NUP153: variants seen among roughly 807,000 people sequenced by gnomAD.
NUP153 encodes nuclear pore complex protein Nup153.
A neutral mutation model predicts 134.6 loss-of-function variants in NUP153; 27 were observed. That is an observed-to-expected ratio of 0.20 (90% CI 0.15 to 0.28). The LOEUF is 0.28. NUP153 is among the 10% of genes least tolerant of loss of function. The pLI is 1.00. For synonymous variants in NUP153, 640 were observed against 623.5 expected, an observed-to-expected ratio of 1.03 and a Z score of -0.40; for missense variants, 1,821 against 1,731.3, an observed-to-expected ratio of 1.05 and a Z score of -0.92.
rs180992013 is a variant in NUP153 at position 17,677,428 on chromosome 6, G to A, written c.335-1658C>T. ...CCATGCACGGGGGTAGGGGGTGGGG[G>A]AGAGTAGGTGTTAGAAACTTTAACC... On this transcript the variant is annotated intron_variant, in intron 2 of 21. Transcript: ENST00000262077. Among the ~76,000 whole-genome samples the A allele has an allele frequency of 9.2e-5, 14 of 152,182 alleles. No homozygotes were observed. The East Asian group carries it at 2.7e-3, about 29-fold the overall frequency.
intron 20 of NUP153, among the ~76,000 whole-genome samples, chr6:17,618,950 G>T (rs936098232): frequency 6.6e-6 from 1 of 152,172 alleles, no homozygotes; most frequent in African/African-American, 2.4e-5. Flanking sequence ...GGAAAGGAAG[G>T]ATTAGGGGAC....
Position 17,616,713 on chromosome 6 carries a change from G to T in NUP153, c.4175-18C>A, listed in dbSNP as rs201167154. 3.1e-6 allele frequency: 5 copies of T among 1,600,806 alleles called. No homozygotes were observed. In the Admixed American group the frequency reaches 5.1e-5, roughly 16 times the overall value. Reference sequence around the variant, plus strand: ...AGCCGAACCTGCAATAGTTAAAGCAGAAATACTTCATTAGGGCAAAATGAT... The same window carrying T: ...AGCCGAACCTGCAATAGTTAAAGCATAAATACTTCATTAGGGCAAAATGAT... On this transcript the variant is annotated intron_variant, in intron 20 of 21. Coordinates refer to ENST00000262077, the MANE Select transcript of NUP153 (RefSeq NM_005124.4).
rs750780211 is a variant in NUP153 at position 17,624,770 on chromosome 6, T to G, written c.3965A>C (p.Asn1322Thr). 6.2e-7 allele frequency: 1 copy of G among 1,614,128 alleles called. No individual in the cohort carries two copies. Among genetic ancestry groups the G allele is most frequent in the Admixed American group, 1.7e-5 (1 of 60,008 alleles). ...ACTTTGTCCAAATGTTGGGGTCTGGTTAGCACCAAATGCTGGACTGGCAGA... is the reference window on the plus strand; with the variant it reads ...ACTTTGTCCAAATGTTGGGGTCTGGGTAGCACCAAATGCTGGACTGGCAGA... ...APSASPAFGA[N>T]QTPTFGQSQG... Residue 1322 changes from asparagine to threonine, a missense_variant, in exon 20 of 22, where the codon AAC (asparagine) becomes ACC (threonine). Physicochemically the swap from Asn to Thr is moderately conservative, Grantham distance 65 (BLOSUM62 0). Coordinates refer to ENST00000262077, the MANE Select transcript of NUP153 (RefSeq NM_005124.4).
intron 8 of NUP153, among the ~76,000 whole-genome samples, chr6:17,666,357 A>C (rs903916167): frequency 3.0e-4 from 46 of 152,092 alleles, no homozygotes; most frequent in African/African-American, 1.1e-3. Context: ...TCTACTAAAA[A>C]TGTAAAAATT....
intron 11 of NUP153, among the ~76,000 whole-genome samples, chr6:17,654,541 C>T (rs552862621): frequency 2.0e-5 from 3 of 152,162 alleles, no homozygotes; most frequent in South Asian, 2.1e-4. Flanking sequence ...AGGCTGGTCT[C>T]GAATTCCTGA....
chr6:17,706,609 C>T lies in NUP153; in HGVS notation c.-222G>A. 1.7e-6 allele frequency: 1 copy of T among 572,068 alleles called. No homozygotes were observed. Among genetic ancestry groups the T allele is most frequent in the South Asian group, 2.0e-5 (1 of 49,200 alleles). 35.4% of individuals were successfully genotyped at this position (572,068 alleles called of 1,614,324 possible). On this transcript the variant is annotated 5_prime_UTR_variant, in exon 1 of 22. Transcript: ENST00000262077. This position sits in a 1 kb window ranked among gnomAD's most constrained non-coding sequence, Gnocchi z 5.9. Reference sequence around the variant, plus strand: ...GGAAGGGGGTGGCGGCCGCAGAGGCCGAGGAGGCTCCGGTCCGGCCGCCTC... The same window carrying T: ...GGAAGGGGGTGGCGGCCGCAGAGGCTGAGGAGGCTCCGGTCCGGCCGCCTC...
rs998860821 is a variant in NUP153, at chr6:17,706,640, AC to A, written c.-254del. 6 of 550,176 alleles carry A rather than the reference AC, an allele frequency of 1.1e-5. No homozygotes were observed. Among genetic ancestry groups the A allele is most frequent in the Admixed American group, 6.7e-5 (2 of 30,012 alleles). 34.1% of individuals were successfully genotyped at this position (550,176 alleles called of 1,614,324 possible). On this transcript the variant is annotated 5_prime_UTR_variant, in exon 1 of 22. Coordinates refer to ENST00000262077, the MANE Select transcript of NUP153 (RefSeq NM_005124.4). The surrounding 1 kb of genome is among the most constrained non-coding windows in gnomAD (Gnocchi z 5.9). ...GGCTCCGGTCCGGCCGCCTCTGCGG[AC>A]CCCCGCCTCTGTGTGTGTCACGGTC...
Position 17,701,845 on chromosome 6 carries a change from A to AG in NUP153, c.111+4431_111+4432insC, listed in dbSNP as rs1491158458. On this transcript the variant is annotated intron_variant, in intron 1 of 21. Coordinates refer to ENST00000262077, the MANE Select transcript of NUP153 (RefSeq NM_005124.4). ...AAGACTCTGTCTCGGGGGGGGGGGG[A>AG]AAAAAGCTAAATGCAGGAACTGACT... 2.0e-4 allele frequency among the ~76,000 whole-genome samples: 7 copies of AG among 35,076 alleles called. 3 individuals are homozygous for AG. The highest frequency in any genetic ancestry group is 7.0e-4 in the Admixed American group (2 of 2,838). The allele number at this position is 35,076 out of a possible 152,430, so 23.0% of individuals were successfully genotyped here.
intron 12 of NUP153, among the ~76,000 whole-genome samples, chr6:17,648,779 G>A (rs1224367672): frequency 2.0e-5 from 3 of 149,764 alleles, no homozygotes; most frequent in South Asian, 2.2e-4. Flanking sequence ...CTCTAGCCTC[G>A]GCAATACAGC....
chr6:17,627,660 T>C (rs1041367238), intron 18 of NUP153, among the ~76,000 whole-genome samples: 1 of 152,206 alleles, frequency 6.6e-6, no homozygotes, highest in African/African-American at 2.4e-5. Context: ...GGCACCCGGA[T>C]TGTCTTTATA....
chr6:17,639,084 C>CTT (rs921703974), intron 15 of NUP153, among the ~76,000 whole-genome samples: 1 of 148,116 alleles, frequency 6.8e-6, no homozygotes, highest in African/African-American at 2.5e-5. Flanking sequence ...CTTTTCCTTT[C>CTT]TTTTTTTTTT....
rs1234139960 is a variant in NUP153, at chr6:17,625,447, T to C, written c.3901+361A>G. Among the ~76,000 whole-genome samples, 1 of 152,136 alleles carries C rather than the reference T, an allele frequency of 6.6e-6. No homozygotes were observed. Among genetic ancestry groups the C allele is most frequent in the Non-Finnish European group, 1.5e-5 (1 of 68,026 alleles). On this transcript the variant is annotated intron_variant, in intron 19 of 21. Transcript: ENST00000262077. This position sits in a 1 kb window ranked among gnomAD's most constrained non-coding sequence, Gnocchi z 4.7. ...CAGGAGGCTGAGGCAGGAGAATTGC[T>C]TGAACTCGGGAGAGGCAGGTTGCAG...
In NUP153 at chr6:17,682,938, A is replaced by C. The variant is rs1397073103; in HGVS notation, c.334+5458T>G. On this transcript the variant is annotated intron_variant, in intron 2 of 21. Coordinates refer to ENST00000262077, the MANE Select transcript of NUP153 (RefSeq NM_005124.4). ...CTCAAAAAAGAAGAAAAAAAAAAAA[A>C]AAAACACTTTCTTTGCGCATCCACA... Among the ~76,000 whole-genome samples the C allele has an allele frequency of 6.7e-4, 101 of 151,804 alleles. 1 individual carries two copies. The highest frequency in any genetic ancestry group is 2.3e-3 in the African/African-American group (94 of 41,450).
chr6:17,661,589 C>T, intron 11 of NUP153, 64 bp downstream of exon 11: 1 of 1,535,000 alleles, frequency 6.5e-7, no homozygotes, highest in Non-Finnish European at 8.8e-7. Context: ...CAGGTCTCCC[C>T]TTACCACCAC....
intron 1 of NUP153, among the ~76,000 whole-genome samples, chr6:17,698,748 A>G (rs938132432): frequency 2.0e-5 from 3 of 151,504 alleles, no homozygotes; most frequent in East Asian, 3.9e-4. Flanking sequence ...AAAAAAAAAA[A>G]AAAAAAAAGA....
intron 20 of NUP153, chr6:17,619,403 C>T (rs949894578): frequency 2.6e-5 from 4 of 152,112 alleles, no homozygotes; most frequent in African/African-American, 9.7e-5. Flanking sequence ...AAACGGGTTC[C>T]TCTACGAAGC....
intron 1 of NUP153, among the ~76,000 whole-genome samples, chr6:17,698,728 ACT>A (rs1487620777): frequency 7.4e-6 from 1 of 134,386 alleles, no homozygotes; most frequent in African/African-American, 3.0e-5. Flanking sequence ...ACAGAGCAAG[ACT>A]CTGTCTCAAA....
rs1561890548 is a variant in NUP153 at position 17,669,275 on chromosome 6, G to T, written c.1014+18C>A. ...TGTATGAACAATATTTTGTAAAAAG[G>T]TTTAAATCTCAACTTACAGAATTCA... On this transcript the variant is annotated intron_variant, in intron 7 of 21. Coordinates refer to ENST00000262077, the MANE Select transcript of NUP153 (RefSeq NM_005124.4). The T allele has an allele frequency of 1.2e-6, 2 of 1,601,588 alleles. No homozygotes were observed. Among genetic ancestry groups the T allele is most frequent in the African/African-American group, 2.7e-5 (2 of 74,718 alleles).
intron 18 of NUP153, among the ~76,000 whole-genome samples, chr6:17,626,927 T>G (rs1469994261): frequency 6.6e-6 from 1 of 152,240 alleles, no homozygotes; most frequent in Non-Finnish European, 1.5e-5. Flanking sequence ...ATTTGGCATG[T>G]TACAAGTTCT....
Sources: allele counts gnomAD v4.1 joint callset (sites outside exome capture counted in the v4.1 genomes callset), GRCh38; gene constraint gnomAD v4.1.1; non-coding constraint Gnocchi (gnomAD v3.1); transcripts MANE v1.5; gene names NCBI Gene and HGNC (gene_info 2026-07-23, HGNC 2026-07-21).